Variants in ADAM22 observed in about 807,000 individuals in gnomAD.
ADAM22 encodes the protein disintegrin and metalloproteinase domain-containing protein 22.
Under a neutral mutation model 144.6 loss-of-function variants are expected in ADAM22, and 65 were observed. The observed-to-expected ratio is 0.45, with a 90% CI of 0.37 to 0.55. The LOEUF (loss-of-function observed/expected upper bound fraction) is 0.55, where lower values mean the gene tolerates loss of function less well. Ranked by LOEUF, ADAM22 falls within the 20% of genes least tolerant of loss-of-function variation. The probability of loss-of-function intolerance (pLI) is 0.00; values close to 1 mark genes in which losing one functional copy is unlikely to be tolerated. For missense variants in ADAM22, 974 were observed against 1,184.9 expected (o/e 0.82, Z 2.61); for synonymous variants, 391 against 412.6 (o/e 0.95, Z 0.63).
chr7:88,123,894 A>G (rs1829851738), intron 7 of ADAM22, among the ~76,000 whole-genome samples: 1 of 151,938 alleles, frequency 6.6e-6, no homozygotes, highest in Non-Finnish European at 1.5e-5. Context: ...AGAGCTCAGT[A>G]TCGAAATACT....
chr7:88,200,414 G>A lies in ADAM22; in HGVS notation c.*3923G>A, dbSNP rs1336435239. The A allele has an allele frequency of 6.6e-6, 1 of 152,228 alleles. No individual in the cohort carries two copies. Among genetic ancestry groups the A allele is most frequent in the Non-Finnish European group, 1.5e-5 (1 of 68,056 alleles). The allele number at this position is 152,228 out of a possible 1,614,324, so 9.4% of individuals were successfully genotyped here. A position where few individuals can be genotyped will look rare whatever the true frequency, so the allele number is the denominator to read the frequency against. ...AGAGCCAAGTTAGGAACTGGCAGGA[G>A]CGAGGAGGGACAAGACAGCTGCCTG... On this transcript the variant is annotated 3_prime_UTR_variant, in exon 32 of 32. Coordinates refer to ENST00000413139, the MANE Select transcript of ADAM22 (RefSeq NM_001324418.2).
At chr7:88,138,919 G>C (rs1355436319) in intron 14 of ADAM22, among the ~76,000 whole-genome samples, 1 of 152,204 alleles carries the variant, frequency 6.6e-6, no homozygotes, top group Admixed American at 6.5e-5. Context: ...CACTGCCAAG[G>C]GTTGGAGAAC....
At chr7:88,168,814 C>T (rs1353017218) in intron 25 of ADAM22, among the ~76,000 whole-genome samples, 2 of 152,102 alleles carry the variant, frequency 1.3e-5, no homozygotes, top group African/African-American at 4.8e-5. Flanking sequence ...TGATGATGTT[C>T]CAGTCCACAG....
At chr7:88,025,879 G>GTTTT (rs1563054690) in intron 3 of ADAM22, among the ~76,000 whole-genome samples, 11 of 147,652 alleles carry the variant, frequency 7.4e-5, no homozygotes, top group Non-Finnish European at 1.7e-4. Flanking sequence ...TAAATTTTAG[G>GTTTT]ATTGTTTTTA....
chr7:88,192,092 C>T (rs779819165), intron 30 of ADAM22, among the ~76,000 whole-genome samples: 35 of 152,154 alleles, frequency 2.3e-4, no homozygotes, highest in East Asian at 1.9e-4. Flanking sequence ...GCTACCCCCG[C>T]CCCTCCCACT....
chr7:88,004,212 C>T (rs2282950), intron 3 of ADAM22, among the ~76,000 whole-genome samples: 1 of 152,108 alleles, frequency 6.6e-6, no homozygotes, highest in Non-Finnish European at 1.5e-5. Context: ...AGTCTATCAG[C>T]TCAGTGACAA....
chr7:87,989,565 C>T (rs945527513), intron 3 of ADAM22, among the ~76,000 whole-genome samples: 1 of 152,146 alleles, frequency 6.6e-6, no homozygotes, highest in African/African-American at 2.4e-5. Context: ...AAACTAATTA[C>T]ATTTGTTTTT....
intron 2 of ADAM22, among the ~76,000 whole-genome samples, chr7:87,976,690 A>G (rs541895191): frequency 2.8e-4 from 43 of 152,284 alleles, no homozygotes; most frequent in Non-Finnish European, 4.4e-4. Context: ...AGGTCTCAGC[A>G]AAATTAATGA....
At chr7:87,982,942 C>T (rs1043263639) in intron 3 of ADAM22, among the ~76,000 whole-genome samples, 10 of 151,390 alleles carry the variant, frequency 6.6e-5, no homozygotes, top group Admixed American at 2.0e-4. Context: ...CCACCTGCCT[C>T]GGCCTCCCAA....
chr7:87,985,281 T>C (rs7786538), intron 3 of ADAM22, among the ~76,000 whole-genome samples: 90,390 of 150,298 alleles, frequency 0.6, 28,428 homozygotes, highest in African/African-American at 0.79. Context: ...CCACTGCACT[T>C]CATCCTGGGC....
chr7:88,104,626 G>A (rs1823854608), intron 4 of ADAM22, among the ~76,000 whole-genome samples: 1 of 151,754 alleles, frequency 6.6e-6, no homozygotes, highest in South Asian at 2.1e-4. Flanking sequence ...TTCTAGGCAT[G>A]TTAAAGGAAA....
Position 88,111,720 on chromosome 7 carries a change from T to C in ADAM22, c.474-2864T>C, listed in dbSNP as rs1240140879. Among the ~76,000 whole-genome samples the C allele has an allele frequency of 2.0e-5, 3 of 152,344 alleles. No homozygotes were observed. In the East Asian group the frequency reaches 5.8e-4, roughly 29 times the overall value. ...TAGGTTTTTATCAAGTATACTGTTA[T>C]GGACTCAATATAAAAATTAGGATTT... On this transcript the variant is annotated intron_variant, in intron 5 of 31. Transcript: ENST00000413139.
intron 4 of ADAM22, among the ~76,000 whole-genome samples, chr7:88,081,546 A>T (rs1173448772): frequency 1.3e-5 from 2 of 151,892 alleles, no homozygotes; most frequent in Non-Finnish European, 2.9e-5. Context: ...AGAGGAAGTC[A>T]AATTGTCCCT....
At chr7:88,179,522 C>T (rs2129537388) in intron 27 of ADAM22, among the ~76,000 whole-genome samples, 1 of 152,044 alleles carries the variant, frequency 6.6e-6, no homozygotes, top group African/African-American at 2.4e-5. Context: ...AAGATTGCTT[C>T]TCTGTGAATC....
chr7:88,008,036 C>T (rs528649736), intron 3 of ADAM22, among the ~76,000 whole-genome samples: 1 of 152,258 alleles, frequency 6.6e-6, no homozygotes, highest in East Asian at 1.9e-4. Context: ...CTACAACGAA[C>T]TCAAACAAAT....
intron 2 of ADAM22, among the ~76,000 whole-genome samples, chr7:87,948,907 T>C (rs1036681760): frequency 1.3e-5 from 2 of 152,240 alleles, no homozygotes; most frequent in African/African-American, 2.4e-5. Flanking sequence ...ACACAGTTGG[T>C]GCTCAGTAAA....
intron 30 of ADAM22, among the ~76,000 whole-genome samples, chr7:88,189,613 C>T (rs1265950351): frequency 6.6e-6 from 1 of 152,146 alleles, no homozygotes; most frequent in Non-Finnish European, 1.5e-5. Flanking sequence ...AGAGTGGATA[C>T]TGATGACTTG....
chr7:87,951,991 T>G (rs977350428), intron 2 of ADAM22, among the ~76,000 whole-genome samples: 10 of 149,580 alleles, frequency 6.7e-5, no homozygotes, highest in African/African-American at 2.5e-4. Flanking sequence ...ACATTGATTT[T>G]GTATCCTGAG....
intron 12 of ADAM22, among the ~76,000 whole-genome samples, 199 bp from the exon 13 acceptor site, chr7:88,134,130 A>G (rs1193425445): frequency 1.3e-5 from 2 of 152,306 alleles, no homozygotes; most frequent in Admixed American, 6.5e-5. Flanking sequence ...TCCCTGTAAG[A>G]CCTAATCAAA....
Sources: allele counts gnomAD v4.1 joint callset (sites outside exome capture counted in the v4.1 genomes callset), GRCh38; gene constraint gnomAD v4.1.1; transcripts MANE v1.5; gene names NCBI Gene and HGNC (gene_info 2026-07-23, HGNC 2026-07-21).